The following UBL3 variants were observed in gnomAD, a reference collection of about 807,000 sequenced individuals.
UBL3 encodes ubiquitin-like protein 3.
A neutral mutation model predicts 18.4 loss-of-function variants in UBL3; 6 were observed. The ratio of observed to expected loss-of-function variants is 0.33; its 90% CI spans 0.18 to 0.64. The LOEUF (loss-of-function observed/expected upper bound fraction) is 0.64, where lower values mean the gene tolerates loss of function less well. UBL3 is among the 30% of genes least tolerant of loss of function. UBL3 has a pLI of 0.76. For synonymous variants in UBL3, 49 were observed against 46.6 expected (o/e 1.05, Z -0.21); for missense variants, 109 against 142.9 (o/e 0.76, Z 1.21).
At chr13:29,831,327 C>T (rs371528563) in intron 1 of UBL3, among the ~76,000 whole-genome samples, 5 of 152,136 alleles carry the variant, frequency 3.3e-5, no homozygotes, top group African/African-American at 9.7e-5. Flanking sequence ...CGGTGGCTCA[C>T]GCCTGTAATC....
At chr13:29,835,126 ATATATATATATATATATATAT>A in intron 1 of UBL3, among the ~76,000 whole-genome samples, 1 of 3,288 alleles carries the variant, frequency 3.0e-4, no homozygotes, top group African/African-American at 1.5e-3. Context: ...ATATATATAA[ATATATATATATATATATATAT>A]ATATATATAT....
At chr13:29,812,735 G>T (rs1878127013) in intron 1 of UBL3, among the ~76,000 whole-genome samples, 1 of 151,884 alleles carries the variant, frequency 6.6e-6, no homozygotes. Context: ...ATGAAATATA[G>T]ACTATTTCTA....
At chr13:29,782,575 TC>T (rs1366302677) in intron 1 of UBL3, among the ~76,000 whole-genome samples, 1 of 152,042 alleles carries the variant, frequency 6.6e-6, no homozygotes, top group Non-Finnish European at 1.5e-5. Flanking sequence ...CCCTCCTTAC[TC>T]CCCCTGGCCT....
chr13:29,815,523 C>A (rs987735288), intron 1 of UBL3, among the ~76,000 whole-genome samples: 30 of 152,046 alleles, frequency 2.0e-4, no homozygotes, highest in Non-Finnish European at 8.8e-5. Flanking sequence ...TATGTATAAC[C>A]CACAGCTAAA....
At position 29,770,577 on chromosome 13, in the gene UBL3, C is replaced by T. The variant is rs187393092; in HGVS notation, c.223+1535G>A. ...GGAATGGAGTTGGTGGGAAATTGCT[C>T]ACATAGATCAATACTCAAAAGGGAA... is the stretch of plus-strand genomic sequence containing the variant. On this transcript the variant is annotated intron_variant, in intron 3 of 4. Coordinates refer to ENST00000380680, the MANE Select transcript of UBL3 (RefSeq NM_007106.4). Among the ~76,000 whole-genome samples the T allele has an allele frequency of 2.0e-3, 308 of 152,028 alleles. 2 individuals carry two copies. In the Middle Eastern group the frequency reaches 0.02, roughly 10 times the overall value.
At chr13:29,839,672 A>C (rs565908989) in intron 1 of UBL3, among the ~76,000 whole-genome samples, 34 of 152,302 alleles carry the variant, frequency 2.2e-4, no homozygotes, top group African/African-American at 7.9e-4. Context: ...TCACGCCTGT[A>C]ATCCCAGCAC....
chr13:29,774,127 T>G (rs1034473450), intron 2 of UBL3, among the ~76,000 whole-genome samples: 3 of 152,072 alleles, frequency 2.0e-5, no homozygotes, highest in African/African-American at 7.2e-5. Context: ...ATCAAAATCT[T>G]TTTTTTGAAA....
intron 1 of UBL3, among the ~76,000 whole-genome samples, chr13:29,780,733 A>T (rs926735825): frequency 9.9e-5 from 15 of 152,196 alleles, no homozygotes; most frequent in African/African-American, 2.9e-4. Context: ...TATATTTTCT[A>T]TCTTCAGTGA....
chr13:29,771,785 TG>T lies in UBL3; in HGVS notation c.223+326del, dbSNP rs200596297. Among the ~76,000 whole-genome samples, 816 of 152,150 alleles carry T rather than the reference TG, an allele frequency of 5.4e-3. 21 individuals are homozygous for T. The highest frequency in any genetic ancestry group is 1.9e-3 in the East Asian group (10 of 5,186). On this transcript the variant is annotated intron_variant, in intron 3 of 4. Transcript: ENST00000380680. The stretch of plus-strand genomic sequence containing the variant: ...ACTATCATAAATTTTTCCTAGTTTG[TG>T]TGTCCAGTCTTAAGTTTAAAATACT...
intron 1 of UBL3, among the ~76,000 whole-genome samples, chr13:29,788,462 G>T (rs761613224): frequency 6.6e-6 from 1 of 152,166 alleles, no homozygotes; most frequent in African/African-American, 2.4e-5. Flanking sequence ...CTGAGAGGCT[G>T]GCTAGAACCT....
At chr13:29,823,434 G>T (rs577955724) in intron 1 of UBL3, among the ~76,000 whole-genome samples, 2 of 152,206 alleles carry the variant, frequency 1.3e-5, no homozygotes, top group African/African-American at 2.4e-5. Flanking sequence ...GAGCCACTGC[G>T]CCCGGCTGCA....
chr13:29,828,095 C>G (rs1334485509), intron 1 of UBL3, among the ~76,000 whole-genome samples: 2 of 152,184 alleles, frequency 1.3e-5, no homozygotes, highest in African/African-American at 2.4e-5. Flanking sequence ...CGACCTTTCT[C>G]TCTGGCTGCC....
rs548825538 is a variant in UBL3 at position 29,782,500 on chromosome 13, A to T, written c.28-5237T>A. 3.3e-5 allele frequency among the ~76,000 whole-genome samples: 5 copies of T among 152,338 alleles called. No homozygotes were observed. In the South Asian group the frequency reaches 8.3e-4, roughly 25 times the overall value. Reference sequence around the variant, plus strand: ...CTCTAAATATGTTTGAACCAAATTTAAAAAATATTATTTTAATGTTTATAG... The same window carrying T: ...CTCTAAATATGTTTGAACCAAATTTTAAAAATATTATTTTAATGTTTATAG... On this transcript the variant is annotated intron_variant, in intron 1 of 4. Transcript: ENST00000380680.
intron 1 of UBL3, among the ~76,000 whole-genome samples, chr13:29,813,372 T>A (rs1257828891): frequency 6.6e-6 from 1 of 151,980 alleles, no homozygotes; most frequent in Non-Finnish European, 1.5e-5. Flanking sequence ...AATCTTTTTT[T>A]ACAATGAAAA....
chr13:29,836,864 T>A (rs904703022), intron 1 of UBL3, among the ~76,000 whole-genome samples: 2 of 152,224 alleles, frequency 1.3e-5, no homozygotes, highest in African/African-American at 4.8e-5. Flanking sequence ...AACAAAAAGA[T>A]GTTGAAAAGA....
At chr13:29,787,203 A>G (rs1877343824) in intron 1 of UBL3, among the ~76,000 whole-genome samples, 1 of 152,178 alleles carries the variant, frequency 6.6e-6, no homozygotes, top group Non-Finnish European at 1.5e-5. Flanking sequence ...AGAAACAAAG[A>G]AAACTTTGGG....
chr13:29,843,138 A>G (rs1245685263), intron 1 of UBL3, among the ~76,000 whole-genome samples: 1 of 152,204 alleles, frequency 6.6e-6, no homozygotes, highest in Non-Finnish European at 1.5e-5. Flanking sequence ...ATCTTTAGTC[A>G]TCTAGTGCAG....
At chr13:29,824,700 C>G (rs1864106311) in intron 1 of UBL3, among the ~76,000 whole-genome samples, 2 of 152,158 alleles carry the variant, frequency 1.3e-5, no homozygotes, top group South Asian at 4.1e-4. Context: ...TGCAGAAGCT[C>G]TTTAGTTTAA....
intron 1 of UBL3, among the ~76,000 whole-genome samples, chr13:29,825,845 C>G (rs543478321): frequency 1.3e-5 from 2 of 152,160 alleles, no homozygotes; most frequent in Non-Finnish European, 1.5e-5. Context: ...TCATAGATAG[C>G]TCTTATTATT....
Sources: gnomAD v4.1 joint callset for allele counts (sites outside exome capture counted in the v4.1 genomes callset) on GRCh38, gnomAD v4.1.1 for gene constraint, MANE v1.5 for transcripts, NCBI Gene and HGNC (gene_info 2026-07-23, HGNC 2026-07-21) for gene names.